The following NOTO variants were observed in gnomAD, a reference collection of about 807,000 sequenced individuals.
NOTO encodes the protein homeobox protein notochord.
A neutral mutation model predicts 20.5 loss-of-function variants in NOTO; 19 were observed. That is an observed-to-expected ratio of 0.93 (90% CI 0.65 to 1.36). The LOEUF is 1.36. Among genes scored for constraint, NOTO ranks in the 40% most tolerant of loss-of-function variants. NOTO has a pLI of 0.00. For missense variants in NOTO, 369 were observed against 336.2 expected (o/e 1.10, Z -0.76); for synonymous variants, 150 against 150.2 (o/e 1.00, Z 0.01).
At chr2:73,203,787 A>T (rs1228072076) in intron 1 of NOTO, among the ~76,000 whole-genome samples, 1 of 152,070 alleles carries the variant, frequency 6.6e-6, no homozygotes, top group Non-Finnish European at 1.5e-5. Context: ...CAACATGGTG[A>T]AACCACATCT....
chr2:73,202,597 T>C lies in NOTO; in HGVS notation c.-70T>C. 7.3e-7 allele frequency: 1 copy of C among 1,362,602 alleles called. No homozygotes were observed. Among genetic ancestry groups the C allele is most frequent in the South Asian group, 1.6e-5 (1 of 62,536 alleles). 84.4% of individuals were successfully genotyped at this position (1,362,602 alleles called of 1,614,324 possible). On this transcript the variant is annotated 5_prime_UTR_variant, in exon 1 of 3. Transcript: ENST00000398468. ...TTCCCAGACAACCGGTCTTGCTCGC[T>C]GCCTTTTGCAGAATCTTCTCACTTC...
rs933563497 is a variant in NOTO, at chr2:73,202,719, G to A, written c.53G>A (p.Arg18Gln). 2 of 1,516,536 alleles carry A rather than the reference G, an allele frequency of 1.3e-6. No homozygotes were observed. The highest frequency in any genetic ancestry group is 1.8e-6 in the Non-Finnish European group (2 of 1,138,548). 93.9% of individuals were successfully genotyped at this position (1,516,536 alleles called of 1,614,324 possible). The change falls in exon 1 of 3, where the codon CGG becomes CAG. Residue 18 changes from arginine (R) to glutamine (Q), a missense_variant. Transcript: ENST00000398468. ...CCGCCACCCGCTCCCTCGGGCTCTC[G>A]GGTCCGACCTCCGCGCTCTGGCCGC... Reference protein sequence around the residue: ...GSPPPAPSGSRVRPPRSGRSP... With the variant: ...GSPPPAPSGSQVRPPRSGRSP...
rs1484864071 is a variant in NOTO, at chr2:73,202,900, C to A, written c.234C>A (p.Phe78Leu). 5 of 1,528,952 alleles carry A rather than the reference C, an allele frequency of 3.3e-6. No homozygotes were observed. Among genetic ancestry groups the A allele is most frequent in the Non-Finnish European group, 3.5e-6 (4 of 1,142,682 alleles). 94.7% of individuals were successfully genotyped at this position (1,528,952 alleles called of 1,614,324 possible). A position where few individuals can be genotyped will look rare whatever the true frequency, so the allele number is the denominator to read the frequency against. ...PSGSACVHPA[F>L]WTAASLCATG... The stretch of plus-strand genomic sequence containing the variant: ...GCTCCGCCTGCGTCCACCCGGCCTT[C>A]TGGACCGCTGCTTCCCTGTGCGCCA... The change falls in exon 1 of 3, where the codon TTC becomes TTA. Residue 78 changes from phenylalanine (F) to leucine (L), a missense_variant. Coordinates refer to ENST00000398468, the MANE Select transcript of NOTO (RefSeq NM_001134462.2).
At chr2:73,203,180 C>A in intron 1 of NOTO, 132 bp downstream of exon 1, 1 of 793,800 alleles carries the variant, frequency 1.3e-6, no homozygotes, top group Non-Finnish European at 1.8e-6. Context: ...TGGGAAGGGG[C>A]TCTGCCACCG....
At chr2:73,210,717 A>C (rs1686166780) in intron 2 of NOTO, 54 bp from the exon 3 acceptor site, 2 of 1,440,314 alleles carry the variant, frequency 1.4e-6, no homozygotes, top group Non-Finnish European at 1.9e-6. Flanking sequence ...AGGAATTAGG[A>C]AGCAGTGGGA....
intron 1 of NOTO, among the ~76,000 whole-genome samples, chr2:73,206,788 T>TG (rs1686094535): frequency 4.5e-5 from 2 of 44,254 alleles, no homozygotes; most frequent in African/African-American, 5.2e-4. Flanking sequence ...CAACTAGAGC[T>TG]TTTTTTTTTT....
At chr2:73,207,353 G>T (rs140903520) in intron 1 of NOTO, among the ~76,000 whole-genome samples, 1 of 152,118 alleles carries the variant, frequency 6.6e-6, no homozygotes, top group Non-Finnish European at 1.5e-5. Flanking sequence ...CAAGGCTAGT[G>T]GGGGCTGAGT....
rs922220414 is a variant in NOTO, at chr2:73,202,695, C to T, written c.29C>T (p.Pro10Leu). The T allele has an allele frequency of 4.0e-6, 6 of 1,508,772 alleles. No homozygotes were observed. The Admixed American group carries it at 1.0e-4, about 26-fold the overall frequency. 93.5% of individuals were successfully genotyped at this position (1,508,772 alleles called of 1,614,324 possible). MPSPRPRGS[P>L]PPAPSGSRVR... Reference sequence around the variant, plus strand: ...CCTAGCCCCAGGCCGCGAGGCAGCCCGCCACCCGCTCCCTCGGGCTCTCGG... The same window carrying T: ...CCTAGCCCCAGGCCGCGAGGCAGCCTGCCACCCGCTCCCTCGGGCTCTCGG... Residue 10 changes from proline (P) to leucine (L), a missense_variant, in exon 1 of 3, where the codon CCG (proline) becomes CTG (leucine). Pro to Leu is a moderately conservative substitution (Grantham distance 98). Coordinates refer to ENST00000398468, the MANE Select transcript of NOTO (RefSeq NM_001134462.2).
Position 73,210,926 on chromosome 2 carries a change from C to T in NOTO, c.753C>T (p.Gly251=), listed in dbSNP as rs1359741793. ...QSDDAESGVD[G] ...ATGATGCCGAGTCAGGAGTGGACGG[C>T]TGAAGACTGGGACAGAGGCCCTAGC... The change falls in exon 3 of 3, where the codon GGC becomes GGT. Residue 251 remains glycine, a synonymous_variant. Coordinates refer to ENST00000398468, the MANE Select transcript of NOTO (RefSeq NM_001134462.2). 7.1e-6 allele frequency: 11 copies of T among 1,550,422 alleles called. No homozygotes were observed. Among genetic ancestry groups the T allele is most frequent in the Non-Finnish European group, 8.7e-6 (10 of 1,146,236 alleles).
intron 1 of NOTO, among the ~76,000 whole-genome samples, chr2:73,205,838 C>T (rs1255595101): frequency 6.6e-6 from 1 of 151,780 alleles, no homozygotes; most frequent in Non-Finnish European, 1.5e-5. Flanking sequence ...TGGAATCTCA[C>T]AATGCCTGTC....
At chr2:73,209,731 TTA>T (rs1235776123) in intron 2 of NOTO, among the ~76,000 whole-genome samples, 1 of 152,164 alleles carries the variant, frequency 6.6e-6, no homozygotes, top group Non-Finnish European at 1.5e-5. Context: ...CTCATCTGAC[TTA>T]TATCTCTAAC....
intron 2 of NOTO, among the ~76,000 whole-genome samples, chr2:73,210,436 C>A (rs149249768): frequency 7.9e-4 from 120 of 152,322 alleles, no homozygotes; most frequent in Middle Eastern, 6.8e-3. Flanking sequence ...TTTGTACCCC[C>A]TTTTGTGTTT....
In NOTO at chr2:73,208,536, A is replaced by G. The variant is rs1483228816; in HGVS notation, c.519A>G (p.Lys173=). 1 of 1,551,550 alleles carries G rather than the reference A, an allele frequency of 6.4e-7. No homozygotes were observed. Among genetic ancestry groups the G allele is most frequent in the Non-Finnish European group, 8.7e-7 (1 of 1,146,976 alleles). Reference sequence around the variant, plus strand: ...TGGAGCAGCTGGAAGAGTTGGAGAAAGTGTTTGCAAAACAGCACAATCTGG... The same window carrying G: ...TGGAGCAGCTGGAAGAGTTGGAGAAGGTGTTTGCAAAACAGCACAATCTGG... The part of the protein sequence containing the change: ...FNLEQLEELE[K]VFAKQHNLVG... The change falls in exon 2 of 3, where the codon AAA becomes AAG. Residue 173 remains lysine (K), a synonymous_variant. Coordinates refer to ENST00000398468, the MANE Select transcript of NOTO (RefSeq NM_001134462.2).
chr2:73,210,056 G>A (rs1302150241), intron 2 of NOTO, among the ~76,000 whole-genome samples: 4 of 152,128 alleles, frequency 2.6e-5, no homozygotes, highest in African/African-American at 9.7e-5. Context: ...TCCTGCTTCT[G>A]CTGCCATCCA....
At position 73,202,880 on chromosome 2, in the gene NOTO, G is replaced by A. The variant is rs1029006770; in HGVS notation, c.214G>A (p.Ala72Thr). 2.0e-6 allele frequency: 3 copies of A among 1,527,172 alleles called. No homozygotes were observed. Among genetic ancestry groups the A allele is most frequent in the Admixed American group, 4.0e-5 (2 of 50,412 alleles). 94.6% of individuals were successfully genotyped at this position (1,527,172 alleles called of 1,614,324 possible). The change falls in exon 1 of 3, where the codon GCC (alanine) becomes ACC (threonine). Residue 72 changes from alanine (A) to threonine (T), a missense_variant. Coordinates refer to ENST00000398468, the MANE Select transcript of NOTO (RefSeq NM_001134462.2). ...GGCGGCCTCCCAGCCGTCGGGCTCC[G>A]CCTGCGTCCACCCGGCCTTCTGGAC... ...APAASQPSGS[A>T]CVHPAFWTAA...
chr2:73,206,992 G>A (rs1268893668), intron 1 of NOTO, among the ~76,000 whole-genome samples: 5 of 151,314 alleles, frequency 3.3e-5, no homozygotes, highest in Non-Finnish European at 7.4e-5. Flanking sequence ...ACGGGGTTTC[G>A]CCAAGTTGGC....
At chr2:73,203,211 G>A (rs1197876855) in intron 1 of NOTO, among the ~76,000 whole-genome samples, 163 bp downstream of exon 1, 1 of 152,190 alleles carries the variant, frequency 6.6e-6, no homozygotes, top group African/African-American at 2.4e-5. Context: ...AGTTGAAGCC[G>A]AGGACCGCGA....
At chr2:73,208,658 C>CA (rs773988310) in intron 2 of NOTO, 44 bp downstream of exon 2, 1 of 1,249,578 alleles carries the variant, frequency 8.0e-7, no homozygotes, top group South Asian at 1.3e-5. Flanking sequence ...CACCTGGGGA[C>CA]AAACACTACC....
chr2:73,206,031 C>G (rs1686084128), intron 1 of NOTO, among the ~76,000 whole-genome samples: 1 of 152,182 alleles, frequency 6.6e-6, no homozygotes, highest in Non-Finnish European at 1.5e-5. Context: ...GCCACTGTGC[C>G]TGGCCCCACA....
Sources: gnomAD v4.1 joint callset for allele counts (sites outside exome capture counted in the v4.1 genomes callset) on GRCh38, gnomAD v4.1.1 for gene constraint, MANE v1.5 for transcripts, NCBI Gene and HGNC (gene_info 2026-07-23, HGNC 2026-07-21) for gene names.